Variants in GRID2 observed in about 807,000 individuals in gnomAD.
GRID2 encodes the protein glutamate ionotropic receptor delta type subunit 2, also known as glutamate receptor ionotropic, delta-2.
In GRID2, 33 loss-of-function variants were observed where a neutral mutation model predicts 114.8. That is an observed-to-expected ratio of 0.29 (90% CI 0.22 to 0.38). The LOEUF is 0.38. Among genes scored for constraint, GRID2 ranks in the 10% least tolerant of loss-of-function variants. The pLI is 1.00. For synonymous variants in GRID2, 505 were observed against 449.9 expected (o/e 1.12, Z -1.55); for missense variants, 1,184 against 1,257.7 (o/e 0.94, Z 0.89).
chr4:92,507,006 G>T (rs1482328631), intron 1 of GRID2, among the ~76,000 whole-genome samples: 2 of 151,634 alleles, frequency 1.3e-5, no homozygotes, highest in African/African-American at 2.4e-5. Flanking sequence ...CCTGCCTCCT[G>T]CTCAGGCTAT....
intron 1 of GRID2, among the ~76,000 whole-genome samples, chr4:92,395,700 T>C (rs1451064732): frequency 4.0e-5 from 6 of 151,828 alleles, no homozygotes; most frequent in Admixed American, 2.6e-4. Flanking sequence ...TATAATATAA[T>C]AGCATAGGTA....
intron 10 of GRID2, among the ~76,000 whole-genome samples, chr4:93,453,829 A>G (rs1333085137): frequency 2.6e-5 from 4 of 152,108 alleles, no homozygotes; most frequent in Non-Finnish European, 5.9e-5. Context: ...TTACTGATCC[A>G]TAGTACTTTA....
At chr4:92,448,944 A>G (rs4522831) in intron 1 of GRID2, among the ~76,000 whole-genome samples, 27,709 of 152,014 alleles carry the variant, frequency 0.18, 2,560 homozygotes, top group Middle Eastern at 0.22. Context: ...AAAGATTATT[A>G]TAGTCATATT....
At chr4:93,688,927 G>A (rs576594931) in intron 14 of GRID2, among the ~76,000 whole-genome samples, 3 of 152,080 alleles carry the variant, frequency 2.0e-5, no homozygotes, top group East Asian at 1.9e-4. Flanking sequence ...TACAAAATTC[G>A]TATATTGAAG....
At chr4:93,774,964 T>C (rs1734334138), downstream of GRID2, among the ~76,000 whole-genome samples, 1 of 152,112 alleles carries the variant, frequency 6.6e-6, no homozygotes, top group Admixed American at 6.5e-5. Context: ...ATTTATTTCT[T>C]AAAAATTGCT....
chr4:93,397,789 T>C (rs1205612171), intron 9 of GRID2, among the ~76,000 whole-genome samples: 1 of 151,996 alleles, frequency 6.6e-6, no homozygotes, highest in Non-Finnish European at 1.5e-5. Flanking sequence ...CCTCCTCTCA[T>C]ATGCTTTAAA....
intron 8 of GRID2, among the ~76,000 whole-genome samples, chr4:93,367,553 A>C (rs1446504915): frequency 6.6e-6 from 1 of 152,210 alleles, no homozygotes; most frequent in African/African-American, 2.4e-5. Flanking sequence ...ATAAGAAATA[A>C]ATATACGAAT....
intron 2 of GRID2, among the ~76,000 whole-genome samples, chr4:92,767,429 T>G (rs185992649): frequency 6.6e-6 from 1 of 152,320 alleles, no homozygotes; most frequent in East Asian, 1.9e-4. Flanking sequence ...CCCCAGATTT[T>G]TACTTTGATA....
intron 1 of GRID2, among the ~76,000 whole-genome samples, chr4:93,803,857 T>C (rs1411639896): frequency 1.3e-5 from 2 of 152,306 alleles, no homozygotes; most frequent in East Asian, 3.9e-4. Context: ...AATGCAACAA[T>C]TGAAAAAGCA....
chr4:92,707,041 C>T (rs1213142379), intron 2 of GRID2, among the ~76,000 whole-genome samples: 1 of 152,068 alleles, frequency 6.6e-6, no homozygotes, highest in Non-Finnish European at 1.5e-5. Context: ...AATCTAAATA[C>T]TTACGCTAGA....
intron 2 of GRID2, among the ~76,000 whole-genome samples, chr4:92,661,390 T>C (rs1024641307): frequency 3.3e-5 from 5 of 150,900 alleles, no homozygotes; most frequent in African/African-American, 1.2e-4. Context: ...CCTAAATATT[T>C]TGTGGCCAAT....
At chr4:93,117,194 T>C (rs1289509387) in intron 4 of GRID2, among the ~76,000 whole-genome samples, 1 of 152,166 alleles carries the variant, frequency 6.6e-6, no homozygotes, top group Non-Finnish European at 1.5e-5. Context: ...AAGATGGATA[T>C]GGTTATTTTA....
chr4:92,518,532 A>G (rs1724617145), intron 1 of GRID2, among the ~76,000 whole-genome samples: 1 of 151,838 alleles, frequency 6.6e-6, no homozygotes, highest in African/African-American at 2.4e-5. Context: ...CAAATGGTGG[A>G]TGCCAGAGGA....
At chr4:93,538,857 T>C (rs1732370278) in intron 13 of GRID2, among the ~76,000 whole-genome samples, 1 of 151,426 alleles carries the variant, frequency 6.6e-6, no homozygotes, top group Non-Finnish European at 1.5e-5. Flanking sequence ...TAATGTTTGA[T>C]AGGGTTGGGA....
intron 2 of GRID2, among the ~76,000 whole-genome samples, chr4:92,761,175 T>C (rs543207335): frequency 6.6e-6 from 1 of 152,020 alleles, no homozygotes; most frequent in African/African-American, 2.4e-5. Flanking sequence ...CTAGAACATA[T>C]CCATGCTTAA....
At position 92,661,417 on chromosome 4, in the gene GRID2, T is replaced by C. The variant is rs1732513366; in HGVS notation, c.244+71131T>C. ...GTGGCCAATACATTAAAAAATATCT[T>C]TAAATGAAACAGCTTTACCATAAGT... On this transcript the variant is annotated intron_variant, in intron 2 of 15. Transcript: ENST00000282020. Among the ~76,000 whole-genome samples the C allele has an allele frequency of 2.0e-5, 3 of 151,104 alleles. No homozygotes were observed. The South Asian group carries it at 6.2e-4, about 31-fold the overall frequency.
In GRID2 at chr4:93,498,296, T is replaced by C. The variant is rs1727741862; in HGVS notation, c.1997+7519T>C. On this transcript the variant is annotated intron_variant, in intron 12 of 15. Coordinates refer to ENST00000282020, the MANE Select transcript of GRID2 (RefSeq NM_001510.4). ...CTATGTCCTCACATGACAGAAAAGA[T>C]GGAAGGTCAAAAGGGGCCAAACTCA... Among the ~76,000 whole-genome samples the C allele has an allele frequency of 2.0e-5, 3 of 151,830 alleles. No homozygotes were observed. The South Asian group carries it at 6.2e-4, about 31-fold the overall frequency.
intron 2 of GRID2, among the ~76,000 whole-genome samples, chr4:92,935,767 G>C (rs890128632): frequency 6.9e-6 from 1 of 145,052 alleles, no homozygotes; most frequent in Non-Finnish European, 1.5e-5. Context: ...TTATCATTCT[G>C]AGTAAACTAT....
intron 12 of GRID2, among the ~76,000 whole-genome samples, chr4:93,501,155 A>G (rs932033310): frequency 2.6e-5 from 4 of 152,028 alleles, no homozygotes; most frequent in African/African-American, 9.7e-5. Flanking sequence ...GTGAAACTCC[A>G]TGACTTGTAT....
Sources: gnomAD v4.1 joint callset for allele counts (sites outside exome capture counted in the v4.1 genomes callset) on GRCh38, gnomAD v4.1.1 for gene constraint, MANE v1.5 for transcripts, NCBI Gene and HGNC (gene_info 2026-07-23, HGNC 2026-07-21) for gene names.